Variants in STX8 observed in about 807,000 individuals in gnomAD.
STX8 encodes syntaxin-8.
Under a neutral mutation model 37.5 loss-of-function variants are expected in STX8, and 23 were observed. The ratio of observed to expected loss-of-function variants is 0.61; its 90% confidence interval spans 0.44 to 0.87. The LOEUF is 0.87. STX8 is among the 40% of genes least tolerant of loss of function. The pLI, the probability that STX8 is intolerant of heterozygous loss-of-function variation, is 0.00. For missense variants in STX8, 313 were observed against 284.7 expected (o/e 1.10, Z -0.71); for synonymous variants, 115 against 99.1 (o/e 1.16, Z -0.95).
intron 6 of STX8, among the ~76,000 whole-genome samples, chr17:9,383,771 C>CACAT (rs1351370671): frequency 6.6e-6 from 1 of 151,996 alleles, no homozygotes; most frequent in Non-Finnish European, 1.5e-5. Context: ...AATAAATTTG[C>CACAT]ACATACAGTC....
At chr17:9,258,109 C>T (rs1050898363) in intron 7 of STX8, among the ~76,000 whole-genome samples, 1 of 152,240 alleles carries the variant, frequency 6.6e-6, no homozygotes, top group South Asian at 2.1e-4. Context: ...ACAGAGGACA[C>T]TTCTTAGGGA....
intron 7 of STX8, among the ~76,000 whole-genome samples, chr17:9,263,932 C>T (rs1229156342): frequency 1.3e-5 from 2 of 152,208 alleles, no homozygotes; most frequent in African/African-American, 4.8e-5. Flanking sequence ...GACTACCTCA[C>T]CAACAGAATA....
intron 3 of STX8, among the ~76,000 whole-genome samples, chr17:9,546,591 G>GTTTTTTTTTTTTTTT (rs386385626): frequency 5.7e-5 from 3 of 52,206 alleles, no homozygotes; most frequent in African/African-American, 2.5e-4. Flanking sequence ...TACAAAAGTG[G>GTTTTTTTTTTTTTTT]TTTTTTTTTT....
chr17:9,285,540 C>A (rs1354290858), intron 7 of STX8, among the ~76,000 whole-genome samples: 1 of 152,182 alleles, frequency 6.6e-6, no homozygotes, highest in Non-Finnish European at 1.5e-5. Flanking sequence ...TAAGGCCGGC[C>A]TCCAGAAGCC....
chr17:9,359,660 A>T (rs1910998429), intron 7 of STX8, among the ~76,000 whole-genome samples: 1 of 151,628 alleles, frequency 6.6e-6, no homozygotes, highest in Non-Finnish European at 1.5e-5. Flanking sequence ...AGCGCCGACC[A>T]CCATGCCCGG....
intron 7 of STX8, among the ~76,000 whole-genome samples, chr17:9,288,174 C>CA (rs1237519417): frequency 1.5e-5 from 2 of 131,458 alleles, no homozygotes; most frequent in Admixed American, 1.5e-4. Flanking sequence ...AAAAACCAAC[C>CA]TTCCCCCTGA....
intron 7 of STX8, among the ~76,000 whole-genome samples, chr17:9,290,743 C>T (rs978488405): frequency 9.2e-5 from 14 of 152,082 alleles, no homozygotes; most frequent in African/African-American, 2.2e-4. Context: ...CCAATATATC[C>T]GATATATACC....
At chr17:9,495,807 G>C (rs1475944966) in intron 5 of STX8, among the ~76,000 whole-genome samples, 1 of 152,230 alleles carries the variant, frequency 6.6e-6, no homozygotes, top group Non-Finnish European at 1.5e-5. Context: ...CCCAAGTCCT[G>C]AAGAGGCATT....
intron 6 of STX8, among the ~76,000 whole-genome samples, chr17:9,403,152 G>A (rs1912683760): frequency 6.6e-6 from 1 of 152,162 alleles, no homozygotes; most frequent in Admixed American, 6.5e-5. Context: ...TCAGGGGAGG[G>A]AGGAGTCTCC....
intron 7 of STX8, among the ~76,000 whole-genome samples, chr17:9,303,625 A>C (rs778074550): frequency 1.3e-5 from 2 of 152,246 alleles, no homozygotes; most frequent in African/African-American, 4.8e-5. Flanking sequence ...ATCTATATCC[A>C]GCCAAAAAGT....
chr17:9,311,169 G>A (rs954871694), intron 7 of STX8, among the ~76,000 whole-genome samples: 2 of 150,942 alleles, frequency 1.3e-5, no homozygotes, highest in Non-Finnish European at 2.9e-5. Flanking sequence ...CCCAGGAGGC[G>A]AAGGTTGCAG....
intron 7 of STX8, among the ~76,000 whole-genome samples, chr17:9,254,020 C>T (rs548103793): frequency 6.6e-6 from 1 of 152,124 alleles, no homozygotes; most frequent in East Asian, 1.9e-4. Context: ...CCCTGCTCCA[C>T]GATGGAACTA....
intron 5 of STX8, among the ~76,000 whole-genome samples, chr17:9,492,753 A>C (rs531742185): frequency 5.3e-5 from 8 of 152,208 alleles, no homozygotes; most frequent in African/African-American, 1.9e-4. Context: ...GTTCAAAACC[A>C]TCCTGCATCA....
At chr17:9,526,170 G>A (rs774967131) in intron 4 of STX8, among the ~76,000 whole-genome samples, 1 of 43,800 alleles carries the variant, frequency 2.3e-5, no homozygotes, top group Non-Finnish European at 5.0e-5. Flanking sequence ...TCAAAAGTAC[G>A]AGAGACAAAG....
At chr17:9,401,121 G>A (rs1381349933) in intron 6 of STX8, among the ~76,000 whole-genome samples, 1 of 152,074 alleles carries the variant, frequency 6.6e-6, no homozygotes, top group Non-Finnish European at 1.5e-5. Flanking sequence ...TGCCATATCT[G>A]CCCCTGCTAT....
chr17:9,295,933 G>A (rs185950092), intron 7 of STX8, among the ~76,000 whole-genome samples: 4 of 151,476 alleles, frequency 2.6e-5, no homozygotes, highest in Admixed American at 2.6e-4. Context: ...GCTCATGCCT[G>A]TAATCCCAGC....
chr17:9,257,373 G>A (rs776290847), intron 7 of STX8, among the ~76,000 whole-genome samples: 4 of 152,112 alleles, frequency 2.6e-5, no homozygotes, highest in Non-Finnish European at 5.9e-5. Flanking sequence ...GTGAAACACT[G>A]GAAACGAGCA....
At chr17:9,341,533 T>C (rs972424341) in intron 7 of STX8, among the ~76,000 whole-genome samples, 1 of 151,992 alleles carries the variant, frequency 6.6e-6, no homozygotes, top group Non-Finnish European at 1.5e-5. Flanking sequence ...GTCTCCTGGG[T>C]TCAAGCGATT....
intron 7 of STX8, 27 bp downstream of exon 7, chr17:9,378,525 C>T (rs766017039): frequency 1.3e-6 from 2 of 1,579,046 alleles, no homozygotes; most frequent in Admixed American, 1.7e-5. Context: ...ATGACAGAAA[C>T]AGAGCCATAA....
Sources: gnomAD v4.1 joint callset for allele counts (sites outside exome capture counted in the v4.1 genomes callset) on GRCh38, gnomAD v4.1.1 for gene constraint, MANE v1.5 for transcripts, NCBI Gene and HGNC (gene_info 2026-07-23, HGNC 2026-07-21) for gene names.